Variants in CAB39L observed in about 807,000 individuals in gnomAD.
CAB39L encodes the protein calcium binding protein 39 like, also known as calcium-binding protein 39-like.
CAB39L carries 23 observed loss-of-function variants against 39.1 expected under a neutral mutation model. That is an observed-to-expected ratio of 0.59 (90% CI 0.42 to 0.83). CAB39L has a LOEUF of 0.83. CAB39L is among the 40% of genes least tolerant of loss of function. The pLI, the probability that CAB39L is intolerant of heterozygous loss-of-function variation, is 0.00. For synonymous variants in CAB39L, 126 were observed against 137.2 expected, an observed-to-expected ratio of 0.92 and a Z score of 0.57; for missense variants, 366 against 391.9, an observed-to-expected ratio of 0.93 and a Z score of 0.56.
At chr13:49,347,616 A>C (rs1955216829) in intron 7 of CAB39L, among the ~76,000 whole-genome samples, 1 of 152,204 alleles carries the variant, frequency 6.6e-6, no homozygotes, top group Non-Finnish European at 1.5e-5. Context: ...TGGTAGAAAG[A>C]AATGGAATCA....
chr13:49,425,245 T>C (rs1216761411), intron 3 of CAB39L, among the ~76,000 whole-genome samples: 3 of 151,486 alleles, frequency 2.0e-5, no homozygotes, highest in African/African-American at 4.9e-5. Flanking sequence ...ATTTGAGTCC[T>C]GAAGAAAAAG....
rs569608276 is a variant in CAB39L at position 49,406,420 on chromosome 13, T to A, written c.-31-23479A>T. ...TGGTCTCGATCTCCTGACCTCTTGA[T>A]CCGCCTACCTCGGCCTCCCAAAGCA... On this transcript the variant is annotated intron_variant, in intron 3 of 10. Transcript: ENST00000409308. Among the ~76,000 whole-genome samples, 10 of 150,366 alleles carry A rather than the reference T, an allele frequency of 6.7e-5. No homozygotes were observed. The East Asian group carries it at 2.0e-3, about 29-fold the overall frequency.
At chr13:49,330,334 C>G (rs1003104202) in intron 10 of CAB39L, among the ~76,000 whole-genome samples, 1 of 152,210 alleles carries the variant, frequency 6.6e-6, no homozygotes, top group African/African-American at 2.4e-5. Context: ...TAACTGGACT[C>G]TGCGTGTGGT....
intron 3 of CAB39L, among the ~76,000 whole-genome samples, chr13:49,400,972 C>T (rs1249733776): frequency 1.3e-5 from 2 of 151,806 alleles, no homozygotes; most frequent in Admixed American, 1.3e-4. Context: ...TTTTTTAAAC[C>T]TCTCCTAGTA....
intron 1 of CAB39L, among the ~76,000 whole-genome samples, chr13:49,439,086 T>C (rs1957461441): frequency 6.6e-6 from 1 of 152,152 alleles, no homozygotes; most frequent in African/African-American, 2.4e-5. Flanking sequence ...AATCTTTTTA[T>C]TTTCTTCATT....
chr13:49,329,687 C>T lies in CAB39L; in HGVS notation c.834+2260G>A, dbSNP rs1954632167. 2.0e-5 allele frequency among the ~76,000 whole-genome samples: 3 copies of T among 150,440 alleles called. No homozygotes were observed. The South Asian group carries it at 6.3e-4, about 32-fold the overall frequency. The stretch of plus-strand genomic sequence containing the variant: ...ATTACCTTATAAACTGCCATGCCTC[C>T]CATTTATGGACTTACAAATTCTATC... On this transcript the variant is annotated intron_variant, in intron 10 of 10. Coordinates refer to ENST00000409308, the MANE Select transcript of CAB39L (RefSeq NM_001079670.3).
chr13:49,329,363 A>T (rs1593918196), intron 10 of CAB39L, among the ~76,000 whole-genome samples: 1 of 151,738 alleles, frequency 6.6e-6, no homozygotes, highest in South Asian at 2.1e-4. Context: ...AATAAAATTT[A>T]TAAATTAGTT....
intron 5 of CAB39L, among the ~76,000 whole-genome samples, chr13:49,367,773 C>T (rs897677764): frequency 1.3e-5 from 2 of 151,978 alleles, no homozygotes; most frequent in Non-Finnish European, 2.9e-5. Context: ...CAAAAATTAG[C>T]TGGGTGTAGT....
At chr13:49,376,607 T>C (rs1956066233) in intron 5 of CAB39L, among the ~76,000 whole-genome samples, 1 of 152,210 alleles carries the variant, frequency 6.6e-6, no homozygotes, top group African/African-American at 2.4e-5. Flanking sequence ...TTTAGGTTCT[T>C]CATCTATAAC....
intron 3 of CAB39L, among the ~76,000 whole-genome samples, chr13:49,388,111 A>C (rs1207183422): frequency 6.6e-6 from 1 of 152,112 alleles, no homozygotes; most frequent in Non-Finnish European, 1.5e-5. Flanking sequence ...AAAGATATAG[A>C]GTGTGTATGG....
intron 3 of CAB39L, among the ~76,000 whole-genome samples, chr13:49,390,546 G>C (rs1956466328): frequency 6.6e-6 from 1 of 152,108 alleles, no homozygotes; most frequent in Non-Finnish European, 1.5e-5. Flanking sequence ...GAATATAAAA[G>C]AGAAATGTAA....
At position 49,395,449 on chromosome 13, in the gene CAB39L, G is replaced by C. The variant is rs577257475; in HGVS notation, c.-31-12508C>G. ...GGGTTTTACCATGTTGGCCAGGCTG[G>C]TCTGGAACTCCTGACCTTGTGATCT... On this transcript the variant is annotated intron_variant, in intron 3 of 10. Transcript: ENST00000409308. 2.0e-5 allele frequency among the ~76,000 whole-genome samples: 3 copies of C among 152,112 alleles called. No individual in the cohort carries two copies. The East Asian group carries it at 5.8e-4, about 29-fold the overall frequency.
intron 3 of CAB39L, among the ~76,000 whole-genome samples, chr13:49,409,776 T>C (rs1353073636): frequency 6.6e-6 from 1 of 152,002 alleles, no homozygotes; most frequent in East Asian, 1.9e-4. Flanking sequence ...ATTGGTCTTA[T>C]CAGAAAACCC....
intron 3 of CAB39L, among the ~76,000 whole-genome samples, chr13:49,425,435 A>T (rs938360605): frequency 6.6e-6 from 1 of 152,232 alleles, no homozygotes; most frequent in South Asian, 2.1e-4. Flanking sequence ...ATATGTCTAT[A>T]CACACGTATA....
At chr13:49,379,794 T>C (rs1956214156) in intron 4 of CAB39L, among the ~76,000 whole-genome samples, 1 of 151,678 alleles carries the variant, frequency 6.6e-6, no homozygotes, top group Non-Finnish European at 1.5e-5. Flanking sequence ...AATTTATTTA[T>C]ATAAAACAGC....
chr13:49,424,266 A>C (rs1287198645), intron 3 of CAB39L, among the ~76,000 whole-genome samples: 4 of 152,256 alleles, frequency 2.6e-5, no homozygotes, highest in African/African-American at 9.6e-5. Context: ...TCACATTGAC[A>C]GTATGTGATG....
chr13:49,435,032 G>T (rs1328941151), intron 1 of CAB39L, among the ~76,000 whole-genome samples: 3 of 152,178 alleles, frequency 2.0e-5, no homozygotes, highest in African/African-American at 7.2e-5. Flanking sequence ...CTCTTCTGTT[G>T]TTGGCACCTT....
intron 3 of CAB39L, among the ~76,000 whole-genome samples, chr13:49,430,262 A>C: frequency 6.6e-6 from 1 of 152,244 alleles, no homozygotes; most frequent in East Asian, 1.9e-4. Context: ...TGGGCGGATT[A>C]AGATAACCCA....
At chr13:49,373,291 C>G (rs1343710962) in intron 5 of CAB39L, among the ~76,000 whole-genome samples, 1 of 152,088 alleles carries the variant, frequency 6.6e-6, no homozygotes, top group Non-Finnish European at 1.5e-5. Flanking sequence ...CAGTCTTTTC[C>G]TTACAGACAT....
Sources: allele counts gnomAD v4.1 joint callset (sites outside exome capture counted in the v4.1 genomes callset), GRCh38; gene constraint gnomAD v4.1.1; transcripts MANE v1.5; gene names NCBI Gene and HGNC (gene_info 2026-07-23, HGNC 2026-07-21).